Variants in DEPDC4 observed in about 807,000 individuals in gnomAD.
DEPDC4 encodes the protein DEP domain-containing protein 4.
Under a neutral mutation model 52.0 loss-of-function variants are expected in DEPDC4, and 52 were observed. The ratio of observed to expected loss-of-function variants is 1.00; its 90% CI spans 0.80 to 1.26. The LOEUF is 1.26. Ranked by LOEUF, DEPDC4 falls within the 50% of genes most tolerant of loss-of-function variation. DEPDC4 has a pLI of 0.00. For missense variants in DEPDC4, 530 were observed against 546.9 expected (o/e 0.97, Z 0.31); for synonymous variants, 201 against 196.8 (o/e 1.02, Z -0.18).
At chr12:100,273,177 G>C in the DEPDC4 span, among the ~76,000 whole-genome samples, 1 of 152,110 alleles carries the variant, frequency 6.6e-6, no homozygotes, top group African/African-American at 2.4e-5. Flanking sequence ...AATGTCCTTG[G>C]TGATCTGGCT....
At chr12:100,251,736 T>C (rs904643361) in intron 7 of DEPDC4, among the ~76,000 whole-genome samples, 1 of 152,100 alleles carries the variant, frequency 6.6e-6, no homozygotes, top group Non-Finnish European at 1.5e-5. Flanking sequence ...CCTGGCTAAT[T>C]TTTGTATTTT....
At chr12:100,234,411 C>T (rs999225493) in intron 9 of DEPDC4, among the ~76,000 whole-genome samples, 2 of 152,106 alleles carry the variant, frequency 1.3e-5, no homozygotes, top group Admixed American at 6.6e-5. Flanking sequence ...ACAGGATTCT[C>T]GCTGAAGACT....
At chr12:100,260,504 A>T (rs1326099787) in intron 3 of DEPDC4, among the ~76,000 whole-genome samples, 5 of 151,874 alleles carry the variant, frequency 3.3e-5, no homozygotes, top group African/African-American at 1.2e-4. Context: ...GGGAAAAGTT[A>T]TTTTTTCATT....
chr12:100,239,859 T>G (rs147180930), downstream of DEPDC4, among the ~76,000 whole-genome samples: 2,575 of 152,138 alleles, frequency 0.017, 70 homozygotes, highest in African/African-American at 0.059. Flanking sequence ...CTGGGCAATA[T>G]AGTGAGACTC....
At chr12:100,271,209 A>T (rs771573468), upstream of DEPDC4, among the ~76,000 whole-genome samples, 12 of 148,704 alleles carry the variant, frequency 8.1e-5, no homozygotes, top group African/African-American at 3.0e-4. Flanking sequence ...TCAAGAATAC[A>T]TCTTAAGGCC....
chr12:100,262,521 G>T, intron 2 of DEPDC4, 112 bp from the exon 3 acceptor site: 1 of 779,862 alleles, frequency 1.3e-6, no homozygotes, highest in Non-Finnish European at 1.8e-6. Flanking sequence ...TTCCAAAAAC[G>T]ATTTCAGGCA....
At chr12:100,252,969 C>T (rs528274401) in intron 5 of DEPDC4, among the ~76,000 whole-genome samples, 16 of 152,316 alleles carry the variant, frequency 1.1e-4, no homozygotes, top group African/African-American at 3.8e-4. Flanking sequence ...CAGGCTGGTG[C>T]GCAGTGGCGC....
chr12:100,261,193 A>G (rs576638634), intron 3 of DEPDC4, among the ~76,000 whole-genome samples: 66 of 152,094 alleles, frequency 4.3e-4, no homozygotes, highest in Non-Finnish European at 1.5e-5. Flanking sequence ...AAAAAAAAAA[A>G]AAAAAAGAGT....
At chr12:100,255,938 G>A in intron 4 of DEPDC4, 111 bp downstream of exon 4, 1 of 699,470 alleles carries the variant, frequency 1.4e-6, no homozygotes, top group African/African-American at 1.8e-5. Flanking sequence ...TTATAAAAGA[G>A]AGATAGTATA....
chr12:100,281,638 C>A, the DEPDC4 span, among the ~76,000 whole-genome samples: 18 of 152,100 alleles, frequency 1.2e-4, no homozygotes, highest in African/African-American at 3.9e-4. Flanking sequence ...TCGAGACCAT[C>A]CTGGCTAACA....
the DEPDC4 span, among the ~76,000 whole-genome samples, chr12:100,278,690 C>T: frequency 4.9e-5 from 7 of 142,698 alleles, no homozygotes; most frequent in Admixed American, 1.5e-4. Flanking sequence ...AGTGCAGTGG[C>T]GTGATCTCGG....
At chr12:100,260,267 C>T (rs1260140487) in intron 3 of DEPDC4, among the ~76,000 whole-genome samples, 8 of 151,680 alleles carry the variant, frequency 5.3e-5, no homozygotes, top group Non-Finnish European at 8.8e-5. Context: ...ATTATAGGCA[C>T]GCACCACGAC....
chr12:100,256,148 G>T lies in DEPDC4; in HGVS notation c.779C>A (p.Pro260Gln). 1 of 1,612,822 alleles carries T rather than the reference G, an allele frequency of 6.2e-7. No individual in the cohort carries two copies. Among genetic ancestry groups the T allele is most frequent in the Admixed American group, 1.7e-5 (1 of 59,994 alleles). The change falls in exon 4 of 10, where the codon CCA (proline) becomes CAA (glutamine). Residue 260 changes from proline (P) to glutamine (Q), a missense_variant. Coordinates refer to ENST00000550587, the MANE Select transcript of DEPDC4 (RefSeq NM_001364818.2). ...LPFLDNILEP[P>Q]VKTQNLQLNK... is the part of the protein sequence containing the mutation. ...TAGTTGAAGATTTTGTGTTTTAACTGGAGGCTCCAAAATATTGTCCAAGAA... is the reference window on the plus strand; with the variant it reads ...TAGTTGAAGATTTTGTGTTTTAACTTGAGGCTCCAAAATATTGTCCAAGAA...
chr12:100,253,104 G>A (rs1054556073), intron 5 of DEPDC4, among the ~76,000 whole-genome samples: 2 of 152,184 alleles, frequency 1.3e-5, no homozygotes, highest in African/African-American at 4.8e-5. Context: ...TTTTAGTAGA[G>A]ACAGGGTTTC....
chr12:100,259,284 G>A (rs967042480), intron 3 of DEPDC4, among the ~76,000 whole-genome samples: 1 of 152,058 alleles, frequency 6.6e-6, no homozygotes, highest in Admixed American at 6.6e-5. Context: ...CAGCCAGTCC[G>A]TTATTGAGAC....
chr12:100,262,688 A>G (rs907921864), intron 2 of DEPDC4, among the ~76,000 whole-genome samples: 1 of 152,176 alleles, frequency 6.6e-6, no homozygotes, highest in Admixed American at 6.5e-5. Context: ...GTTTCCAGAA[A>G]ACCTTGGCTT....
chr12:100,280,108 A>G, the DEPDC4 span, among the ~76,000 whole-genome samples: 1 of 152,186 alleles, frequency 6.6e-6, no homozygotes, highest in Admixed American at 6.5e-5. Context: ...CTGGGGTCAA[A>G]GGCTCTTGCT....
chr12:100,260,411 G>A (rs924405088), intron 3 of DEPDC4, among the ~76,000 whole-genome samples: 20 of 150,986 alleles, frequency 1.3e-4, no homozygotes, highest in Non-Finnish European at 2.1e-4. Context: ...GTGAGCCACC[G>A]TGCCCTGGCC....
chr12:100,235,958 C>T (rs1406033462), downstream of DEPDC4, among the ~76,000 whole-genome samples: 1 of 152,196 alleles, frequency 6.6e-6, no homozygotes, highest in Non-Finnish European at 1.5e-5. Context: ...TTTCCCATTC[C>T]TCAGTTACTT....
Sources: allele counts gnomAD v4.1 joint callset (sites outside exome capture counted in the v4.1 genomes callset), GRCh38; gene constraint gnomAD v4.1.1; transcripts MANE v1.5; gene names NCBI Gene and HGNC (gene_info 2026-07-23, HGNC 2026-07-21).